The following NAALADL2 variants were observed in gnomAD, a reference collection of about 807,000 sequenced individuals.
NAALADL2 encodes the protein N-acetylated alpha-linked acidic dipeptidase like 2.
Under a neutral mutation model 87.2 loss-of-function variants are expected in NAALADL2, and 76 were observed. That is an observed-to-expected ratio of 0.87 (90% CI 0.72 to 1.05). The LOEUF is 1.05. Among genes scored for constraint, NAALADL2 ranks in the 50% least tolerant of loss-of-function variants. The pLI, the probability that NAALADL2 is intolerant of heterozygous loss-of-function variation, is 0.00. For synonymous variants in NAALADL2, 354 were observed against 331.0 expected, an observed-to-expected ratio of 1.07 and a Z score of -0.75; for missense variants, 1,089 against 945.8, an observed-to-expected ratio of 1.15 and a Z score of -1.99.
At chr3:174,859,213 G>T (rs768201361), upstream of NAALADL2, 4 of 572,870 alleles carry the variant, frequency 7.0e-6, no homozygotes, top group Non-Finnish European at 9.4e-6. Context: ...TGGATCAAAA[G>T]ATATGATCTC....
At chr3:174,452,384 C>G (rs1314979503) in intron 1 of NAALADL2, among the ~76,000 whole-genome samples, 1 of 152,186 alleles carries the variant, frequency 6.6e-6, no homozygotes, top group Non-Finnish European at 1.5e-5. Context: ...CCCACCCACC[C>G]TGGCACCTGC....
rs1019056576 is a variant in NAALADL2, at chr3:174,499,900, C to G, written c.-183-50669C>G. On this transcript the variant is annotated intron_variant, in intron 1 of 3. Coordinates refer to the NAALADL2 transcript ENST00000434257. ...TGTTCTTCGTTTTCAGTTATTTTGG[C>G]TAGTCTAGGTTATTTGGATTTCTGC... Among the ~76,000 whole-genome samples the G allele has an allele frequency of 2.0e-5, 3 of 151,930 alleles. No individual in the cohort carries two copies. The East Asian group carries it at 5.8e-4, about 29-fold the overall frequency.
intron 2 of NAALADL2, among the ~76,000 whole-genome samples, chr3:175,216,670 T>TTTTC (rs1560177926): frequency 2.1e-5 from 3 of 141,302 alleles, no homozygotes; most frequent in South Asian, 2.3e-4. Context: ...TTTCTTTTCT[T>TTTTC]TTTTTTTTTT....
At chr3:175,501,403 A>G (rs546873510) in intron 9 of NAALADL2, among the ~76,000 whole-genome samples, 3 of 122,118 alleles carry the variant, frequency 2.5e-5, no homozygotes, top group Non-Finnish European at 3.7e-5. Flanking sequence ...TCAAAAGGGA[A>G]CATCTTTTCC....
At chr3:174,482,252 A>G (rs1275316575) in intron 1 of NAALADL2, among the ~76,000 whole-genome samples, 2 of 152,002 alleles carry the variant, frequency 1.3e-5, no homozygotes, top group African/African-American at 4.8e-5. Flanking sequence ...AATGTGTCTG[A>G]TTGATGAAGC....
Position 175,801,610 on chromosome 3 carries a change from A to G in NAALADL2, c.2190-1395A>G, listed in dbSNP as rs556087895. The stretch of plus-strand genomic sequence containing the variant: ...TCATCTTTCAAGATGCAATTTAAAT[A>G]TTCTCCATTTAGACCTTTTTTAGAC... On this transcript the variant is annotated intron_variant, in intron 13 of 13. Coordinates refer to ENST00000454872, the MANE Select transcript of NAALADL2 (RefSeq NM_207015.3). Among the ~76,000 whole-genome samples, 12 of 152,182 alleles carry G rather than the reference A, an allele frequency of 7.9e-5. No homozygotes were observed. In the East Asian group the frequency reaches 2.3e-3, roughly 29 times the overall value.
intron 11 of NAALADL2, among the ~76,000 whole-genome samples, chr3:175,655,100 T>C (rs1034599660): frequency 7.2e-5 from 11 of 152,128 alleles, no homozygotes; most frequent in Non-Finnish European, 1.6e-4. Flanking sequence ...TTGATGTAGT[T>C]ATGATTTAAT....
At chr3:174,570,097 T>C (rs1389742489) in intron 2 of NAALADL2, among the ~76,000 whole-genome samples, 1 of 152,120 alleles carries the variant, frequency 6.6e-6, no homozygotes, top group Non-Finnish European at 1.5e-5. Context: ...TAGGATCACA[T>C]GTGTATATTT....
intron 1 of NAALADL2, among the ~76,000 whole-genome samples, chr3:174,545,154 A>T (rs930857534): frequency 2.6e-5 from 4 of 152,162 alleles, no homozygotes; most frequent in Non-Finnish European, 5.9e-5. Context: ...TTGGGATTAC[A>T]GGCACGAGCC....
At chr3:175,043,565 T>C (rs1024126145) in intron 1 of NAALADL2, among the ~76,000 whole-genome samples, 36 of 152,282 alleles carry the variant, frequency 2.4e-4, no homozygotes, top group African/African-American at 7.9e-4. Flanking sequence ...TATTTTAAGT[T>C]GATTAAGGAT....
intron 5 of NAALADL2, among the ~76,000 whole-genome samples, chr3:175,336,797 CTG>C (rs1457384275): frequency 1.3e-5 from 2 of 152,258 alleles, no homozygotes; most frequent in South Asian, 4.1e-4. Context: ...GTTCAAAAGT[CTG>C]TGTTTTTTAA....
chr3:174,605,803 T>G (rs1244402893), intron 2 of NAALADL2, among the ~76,000 whole-genome samples: 2 of 151,968 alleles, frequency 1.3e-5, no homozygotes, highest in Non-Finnish European at 2.9e-5. Flanking sequence ...TTTGACAGCT[T>G]TGAAGAGAGC....
At chr3:175,460,022 G>T in intron 6 of NAALADL2, 1 of 335,310 alleles carries the variant, frequency 3.0e-6, no homozygotes, top group Non-Finnish European at 6.0e-6. Context: ...TGTTTATGTT[G>T]TTTTCTGTTA....
In NAALADL2 at chr3:175,686,653, G is replaced by A. The variant is rs566171872; in HGVS notation, c.1897-50653G>A. Among the ~76,000 whole-genome samples the A allele has an allele frequency of 3.2e-3, 492 of 151,982 alleles. 3 individuals are homozygous for A. Among genetic ancestry groups the A allele is most frequent in the Non-Finnish European group, 5.5e-3 (376 of 67,926 alleles). On this transcript the variant is annotated intron_variant, in intron 11 of 13. Coordinates refer to ENST00000454872, the MANE Select transcript of NAALADL2 (RefSeq NM_207015.3). ...CATGAAGATTTATATAACAAATAAT[G>A]CAATTACATTATTAGCTTTAGATTA...
intron 9 of NAALADL2, among the ~76,000 whole-genome samples, chr3:175,521,189 AC>A (rs1732606375): frequency 6.6e-6 from 1 of 151,922 alleles, no homozygotes; most frequent in Non-Finnish European, 1.5e-5. Flanking sequence ...AAGGGAGTAT[AC>A]ATTTTTCCCT....
intron 1 of NAALADL2, among the ~76,000 whole-genome samples, chr3:174,940,368 T>A (rs1360848178): frequency 6.6e-6 from 1 of 152,282 alleles, no homozygotes; most frequent in East Asian, 1.9e-4. Context: ...GCCCATTTAA[T>A]TGTGGTGGAT....
intron 1 of NAALADL2, chr3:174,864,199 A>G: frequency 5.5e-6 from 2 of 361,966 alleles, no homozygotes; most frequent in Non-Finnish European, 1.1e-5. Context: ...AGAGATTAGG[A>G]AAACAAAATC....
chr3:175,224,409 T>G (rs924129089), intron 2 of NAALADL2, among the ~76,000 whole-genome samples: 1 of 152,166 alleles, frequency 6.6e-6, no homozygotes, highest in Non-Finnish European at 1.5e-5. Context: ...GCTGAGGACT[T>G]ACAAAATGGT....
chr3:174,874,395 C>A (rs1486532893), intron 1 of NAALADL2, among the ~76,000 whole-genome samples: 3 of 152,156 alleles, frequency 2.0e-5, no homozygotes, highest in African/African-American at 7.2e-5. Flanking sequence ...GACAATAAGG[C>A]AGCATGGGGA....
Sources: allele counts gnomAD v4.1 joint callset (sites outside exome capture counted in the v4.1 genomes callset), GRCh38; gene constraint gnomAD v4.1.1; transcripts MANE v1.5; gene names NCBI Gene and HGNC (gene_info 2026-07-23, HGNC 2026-07-21).